ASIC2: variants seen among roughly 807,000 people sequenced by gnomAD.
The protein encoded by ASIC2 is acid sensing ion channel subunit 2.
A neutral mutation model predicts 57.3 loss-of-function variants in ASIC2; 25 were observed. The ratio of observed to expected loss-of-function variants is 0.44; its 90% CI spans 0.32 to 0.61. The LOEUF (loss-of-function observed/expected upper bound fraction) is 0.61. Among genes scored for constraint, ASIC2 ranks in the 20% least tolerant of loss-of-function variants. ASIC2 has a pLI of 0.06. For missense variants in ASIC2, 641 were observed against 738.1 expected (o/e 0.87, Z 1.52); for synonymous variants, 319 against 307.5 (o/e 1.04, Z -0.39).
chr17:33,805,100 T>C (rs1221626146), intron 1 of ASIC2, among the ~76,000 whole-genome samples: 1 of 152,178 alleles, frequency 6.6e-6, no homozygotes, highest in Non-Finnish European at 1.5e-5. Context: ...CCCCTCGACC[T>C]TTTCTTTCTT....
intron 1 of ASIC2, among the ~76,000 whole-genome samples, chr17:34,073,300 G>A (rs1026823860): frequency 1.3e-5 from 2 of 152,204 alleles, no homozygotes; most frequent in Non-Finnish European, 2.9e-5. Flanking sequence ...GTACAAGTAT[G>A]TCTATGTTCC....
At chr17:33,697,411 A>C (rs757803211) in intron 1 of ASIC2, among the ~76,000 whole-genome samples, 1 of 152,184 alleles carries the variant, frequency 6.6e-6, no homozygotes, top group African/African-American at 2.4e-5. Context: ...GAAAATCCAC[A>C]TAGAAGTTGA....
At chr17:33,697,093 T>A (rs1338902213) in intron 1 of ASIC2, among the ~76,000 whole-genome samples, 1 of 152,160 alleles carries the variant, frequency 6.6e-6, no homozygotes, top group African/African-American at 2.4e-5. Flanking sequence ...CTCCTACTCC[T>A]GCTCTGGCCA....
At chr17:33,231,436 G>A (rs892539271) in intron 1 of ASIC2, among the ~76,000 whole-genome samples, 5 of 152,152 alleles carry the variant, frequency 3.3e-5, no homozygotes, top group Non-Finnish European at 7.4e-5. Context: ...GCTGGATGGG[G>A]GCCGGAATGG....
intron 1 of ASIC2, among the ~76,000 whole-genome samples, chr17:34,082,718 C>CTAAA (rs764522431): frequency 1.7e-4 from 26 of 152,244 alleles, no homozygotes; most frequent in Non-Finnish European, 3.4e-4. Flanking sequence ...CATTACCTTA[C>CTAAA]TAAATCCTTT....
At chr17:34,041,974 C>A (rs986983442) in intron 1 of ASIC2, among the ~76,000 whole-genome samples, 1 of 152,170 alleles carries the variant, frequency 6.6e-6, no homozygotes, top group Non-Finnish European at 1.5e-5. Flanking sequence ...CATCAAAAGA[C>A]AGGAAAATTT....
intron 1 of ASIC2, among the ~76,000 whole-genome samples, chr17:33,487,144 T>C (rs1913599929): frequency 6.6e-6 from 1 of 152,130 alleles, no homozygotes; most frequent in African/African-American, 2.4e-5. Context: ...TGAAGCAGAA[T>C]TTTTTTTCTG....
intron 1 of ASIC2, among the ~76,000 whole-genome samples, chr17:34,086,822 T>C (rs1457757216): frequency 6.6e-6 from 1 of 152,216 alleles, no homozygotes; most frequent in African/African-American, 2.4e-5. Flanking sequence ...TTGATCTTTG[T>C]TGGTTTAAAG....
intron 1 of ASIC2, among the ~76,000 whole-genome samples, chr17:33,421,539 C>A (rs1911042389): frequency 6.6e-6 from 1 of 152,182 alleles, no homozygotes; most frequent in Non-Finnish European, 1.5e-5. Flanking sequence ...GTCCCAACAA[C>A]CATTGCGGTA....
At chr17:33,448,388 G>T (rs999351885) in intron 1 of ASIC2, among the ~76,000 whole-genome samples, 1 of 152,134 alleles carries the variant, frequency 6.6e-6, no homozygotes, top group Non-Finnish European at 1.5e-5. Context: ...ATATGGGAAA[G>T]ATTTTGCATA....
intron 1 of ASIC2, among the ~76,000 whole-genome samples, chr17:33,318,383 A>G (rs571655177): frequency 6.6e-6 from 1 of 152,298 alleles, no homozygotes; most frequent in East Asian, 1.9e-4. Flanking sequence ...CGCCTACTGC[A>G]GAGCTGTGAT....
chr17:33,188,473 C>T (rs984892351), intron 1 of ASIC2, among the ~76,000 whole-genome samples: 3 of 151,820 alleles, frequency 2.0e-5, no homozygotes, highest in Admixed American at 6.6e-5. Context: ...CAATGAACTG[C>T]AAATATAAAA....
At chr17:33,237,513 G>T (rs1908341265) in intron 1 of ASIC2, among the ~76,000 whole-genome samples, 1 of 152,118 alleles carries the variant, frequency 6.6e-6, no homozygotes, top group African/African-American at 2.4e-5. Context: ...ACAACACTCA[G>T]GTGATTTTGT....
intron 1 of ASIC2, among the ~76,000 whole-genome samples, chr17:33,187,649 C>T (rs1171437303): frequency 1.3e-5 from 2 of 152,068 alleles, no homozygotes; most frequent in Non-Finnish European, 2.9e-5. Context: ...CAAAAGTTGC[C>T]ACAGACAATA....
intron 1 of ASIC2, among the ~76,000 whole-genome samples, chr17:33,415,203 A>G (rs2141967492): frequency 6.6e-6 from 1 of 151,870 alleles, no homozygotes; most frequent in South Asian, 2.1e-4. Context: ...CCCTAGAGTC[A>G]TCGCTTGGAA....
intron 1 of ASIC2, among the ~76,000 whole-genome samples, chr17:33,900,796 A>G (rs1485287812): frequency 6.6e-6 from 1 of 152,208 alleles, no homozygotes; most frequent in East Asian, 1.9e-4. Context: ...CAACTGTCAT[A>G]TGAGCTGTGC....
chr17:33,612,666 C>T (rs1376449888), intron 1 of ASIC2, among the ~76,000 whole-genome samples: 1 of 152,192 alleles, frequency 6.6e-6, no homozygotes, highest in Admixed American at 6.5e-5. Context: ...TGTAAGTATT[C>T]ACCATGCCAT....
chr17:33,197,604 C>T (rs1364503019), intron 1 of ASIC2, among the ~76,000 whole-genome samples: 1 of 152,232 alleles, frequency 6.6e-6, no homozygotes, highest in African/African-American at 2.4e-5. Context: ...TGAATGCACC[C>T]TCTCCTCCCA....
intron 1 of ASIC2, among the ~76,000 whole-genome samples, chr17:33,264,225 G>A (rs1019152660): frequency 1.3e-5 from 2 of 152,240 alleles, no homozygotes; most frequent in African/African-American, 2.4e-5. Context: ...CGCCCAGGAT[G>A]GTGCCTAGCA....
Sources: allele counts gnomAD v4.1 joint callset (sites outside exome capture counted in the v4.1 genomes callset), GRCh38; gene constraint gnomAD v4.1.1; transcripts MANE v1.5; gene names NCBI Gene and HGNC (gene_info 2026-07-23, HGNC 2026-07-21).